LAMA4: variants seen among roughly 807,000 people sequenced by gnomAD.
LAMA4 encodes the protein laminin subunit alpha 4.
A neutral mutation model predicts 207.1 loss-of-function variants in LAMA4; 127 were observed. That is an observed-to-expected ratio of 0.61 (90% CI 0.53 to 0.71). The LOEUF is 0.71. Ranked by LOEUF, LAMA4 falls within the 30% of genes least tolerant of loss-of-function variation. LAMA4 has a pLI of 0.00. For synonymous variants in LAMA4, 761 were observed against 816.0 expected (o/e 0.93, Z 1.15); for missense variants, 2,093 against 2,246.5 (o/e 0.93, Z 1.38).
intron 2 of LAMA4, chr6:112,253,601 C>T (rs184783330): frequency 2.6e-6 from 2 of 762,470 alleles, no homozygotes; most frequent in East Asian, 2.5e-5. Flanking sequence ...AGGGCACACA[C>T]GTTAAGTGCC....
chr6:112,167,344 G>A (rs548016384), intron 12 of LAMA4, among the ~76,000 whole-genome samples: 1 of 152,288 alleles, frequency 6.6e-6, no homozygotes. Flanking sequence ...GGAGGTTGTG[G>A]TGAGCTAAGA....
chr6:112,198,871 TATCTC>T (rs1268658825), intron 5 of LAMA4, among the ~76,000 whole-genome samples: 1 of 152,166 alleles, frequency 6.6e-6, no homozygotes, highest in Non-Finnish European at 1.5e-5. Flanking sequence ...TTTGCAGTAT[TATCTC>T]ATAACAGTTT....
chr6:112,216,845 T>C (rs1360262339), intron 2 of LAMA4: 8 of 325,704 alleles, frequency 2.5e-5, no homozygotes, highest in Non-Finnish European at 3.6e-5. Context: ...TAAGTATTAG[T>C]CAGGGTGAGG....
At chr6:112,189,314 T>C in intron 6 of LAMA4, 109 bp from the exon 7 acceptor site, 1 of 750,036 alleles carries the variant, frequency 1.3e-6, no homozygotes, top group Non-Finnish European at 2.4e-6. Context: ...AATTCATCAA[T>C]GGGAATTAAT....
chr6:112,162,883 A>G (rs1399759763), intron 13 of LAMA4, among the ~76,000 whole-genome samples: 1 of 152,108 alleles, frequency 6.6e-6, no homozygotes, highest in Non-Finnish European at 1.5e-5. Context: ...ATAGGTAGAA[A>G]AGAAGGCCTA....
At chr6:112,134,656 C>A in intron 25 of LAMA4, 47 bp from the exon 26 acceptor site, 1 of 1,445,808 alleles carries the variant, frequency 6.9e-7, no homozygotes, top group Non-Finnish European at 9.6e-7. Flanking sequence ...ATTTAATATT[C>A]AGTTCTTTGA....
intron 9 of LAMA4, among the ~76,000 whole-genome samples, chr6:112,182,048 G>T (rs575152023): frequency 2.0e-5 from 3 of 152,200 alleles, no homozygotes; most frequent in African/African-American, 7.2e-5. Flanking sequence ...AGTGAGCCGA[G>T]ATTGCGCCAC....
At chr6:112,155,980 C>G (rs1169748248) in intron 14 of LAMA4, among the ~76,000 whole-genome samples, 2 of 152,224 alleles carry the variant, frequency 1.3e-5, no homozygotes, top group Non-Finnish European at 2.9e-5. Flanking sequence ...TGCACTTCTT[C>G]TTGCAGGAGT....
At chr6:112,173,713 C>T (rs1222116692) in intron 11 of LAMA4, among the ~76,000 whole-genome samples, 1 of 152,128 alleles carries the variant, frequency 6.6e-6, no homozygotes, top group Non-Finnish European at 1.5e-5. Context: ...CATAATAAAC[C>T]TGTATGTCAG....
rs781829296 is a variant in LAMA4 at position 112,117,848 on chromosome 6, A to G, written c.4872T>C (p.Asn1624=). 8 of 1,613,766 alleles carry G rather than the reference A, an allele frequency of 5.0e-6. No individual in the cohort carries two copies. Among genetic ancestry groups the G allele is most frequent in the South Asian group, 1.1e-5 (1 of 91,080 alleles). ...GAGAAGCAGAGGTGATGGAGGCCCC[A>G]TTGAGCTGGAGATTGCTGAGACAGC... The part of the protein sequence containing the change: ...FSGCLSNLQL[N]GASITSASQT... Residue 1624 remains asparagine (N), a synonymous_variant, in exon 35 of 39, where the codon AAT becomes AAC. Coordinates refer to ENST00000230538, the MANE Select transcript of LAMA4 (RefSeq NM_001105206.3). The surrounding 1 kb of genome is among the most constrained non-coding windows in gnomAD (Gnocchi z 4.5).
intron 31 of LAMA4, 63 bp downstream of exon 31, chr6:112,128,859 G>T: frequency 7.0e-7 from 1 of 1,425,738 alleles, no homozygotes; most frequent in Non-Finnish European, 9.9e-7. Flanking sequence ...AAACAGCAGT[G>T]TCTAGAACTG....
chr6:112,193,608 A>C (rs1366013333), intron 5 of LAMA4, among the ~76,000 whole-genome samples: 1 of 152,070 alleles, frequency 6.6e-6, no homozygotes, highest in Non-Finnish European at 1.5e-5. Context: ...TCAGTCTTTA[A>C]ACTCTTTACC....
intron 2 of LAMA4, among the ~76,000 whole-genome samples, chr6:112,246,678 T>A (rs1241615494): frequency 6.6e-6 from 1 of 152,184 alleles, no homozygotes; most frequent in East Asian, 1.9e-4. Flanking sequence ...TGCCACCATG[T>A]CCAGCTAATT....
At chr6:112,170,540 C>T (rs1320015647) in intron 12 of LAMA4, among the ~76,000 whole-genome samples, 1 of 152,180 alleles carries the variant, frequency 6.6e-6, no homozygotes, top group Non-Finnish European at 1.5e-5. Flanking sequence ...TCACTTATTA[C>T]TTAGCACTGA....
chr6:112,187,005 G>C, intron 8 of LAMA4: 1 of 421,398 alleles, frequency 2.4e-6, no homozygotes, highest in Non-Finnish European at 4.7e-6. Context: ...AAGGTGGGTG[G>C]GTGGTGGGGT....
At chr6:112,152,018 T>G (rs1562666917) in intron 16 of LAMA4, among the ~76,000 whole-genome samples, 1 of 152,138 alleles carries the variant, frequency 6.6e-6, no homozygotes, top group African/African-American at 2.4e-5. Flanking sequence ...TCATCATATA[T>G]TGCACTTTAT....
At position 112,234,617 on chromosome 6, in the gene LAMA4, C is replaced by T. The variant is rs968383217; in HGVS notation, c.196-18148G>A. On this transcript the variant is annotated intron_variant, in intron 2 of 38. Coordinates refer to ENST00000230538, the MANE Select transcript of LAMA4 (RefSeq NM_001105206.3). ...GAGATTGTAATCAAAAGAAAACCAA[C>T]GTAGTTTAGATAATCTCAGATGAAG... 12 of 150,848 alleles carry T rather than the reference C, an allele frequency of 8.0e-5. No individual in the cohort carries two copies. The East Asian group carries it at 1.6e-3, about 19-fold the overall frequency. The allele number at this position is 150,848 out of a possible 1,614,324, so 9.3% of individuals were successfully genotyped here.
intron 5 of LAMA4, among the ~76,000 whole-genome samples, chr6:112,199,451 G>A (rs1364364395): frequency 6.6e-6 from 1 of 152,082 alleles, no homozygotes; most frequent in African/African-American, 2.4e-5. Context: ...ATTAACAACC[G>A]CCACAGACCT....
intron 2 of LAMA4, chr6:112,253,212 T>C (rs1350963358): frequency 6.3e-6 from 1 of 159,926 alleles, no homozygotes; most frequent in Non-Finnish European, 1.4e-5. Context: ...CATGCTGTTG[T>C]CTGTTTCAGT....
Sources: allele counts gnomAD v4.1 joint callset (sites outside exome capture counted in the v4.1 genomes callset), GRCh38; gene constraint gnomAD v4.1.1; non-coding constraint Gnocchi (gnomAD v3.1); transcripts MANE v1.5; gene names NCBI Gene and HGNC (gene_info 2026-07-23, HGNC 2026-07-21).